Variants in PTPRG observed in about 807,000 individuals in gnomAD.
PTPRG encodes the protein protein tyrosine phosphatase receptor type G, also known as receptor-type tyrosine-protein phosphatase gamma.
In PTPRG, 102 loss-of-function variants were observed where a neutral mutation model predicts 165.3. The ratio of observed to expected loss-of-function variants is 0.62; its 90% CI spans 0.53 to 0.73. The LOEUF (loss-of-function observed/expected upper bound fraction) is 0.73. Among genes scored for constraint, PTPRG ranks in the 30% least tolerant of loss-of-function variants. The pLI is 0.00. For missense variants in PTPRG, 1,866 were observed against 1,861.4 expected (o/e 1.00, Z -0.05); for synonymous variants, 675 against 669.5 (o/e 1.01, Z -0.13).
chr3:62,072,023 A>G (rs1701224916), intron 4 of PTPRG, among the ~76,000 whole-genome samples: 1 of 152,256 alleles, frequency 6.6e-6, no homozygotes, highest in Non-Finnish European at 1.5e-5. Flanking sequence ...ACAGTGACAC[A>G]TGTAGGAAAC....
chr3:61,905,730 A>C (rs115447061), intron 2 of PTPRG, among the ~76,000 whole-genome samples: 9 of 152,216 alleles, frequency 5.9e-5, no homozygotes, highest in Non-Finnish European at 1.0e-4. Context: ...CACTCTTTCT[A>C]TGGTGGGATA....
intron 1 of PTPRG, among the ~76,000 whole-genome samples, chr3:61,744,098 C>G (rs1575626663): frequency 6.6e-6 from 1 of 152,150 alleles, no homozygotes; most frequent in East Asian, 1.9e-4. Context: ...TGTATCTTTA[C>G]TTGGGAACCA....
intron 12 of PTPRG, among the ~76,000 whole-genome samples, chr3:62,205,826 A>T (rs1360744547): frequency 6.6e-6 from 1 of 152,172 alleles, no homozygotes; most frequent in Non-Finnish European, 1.5e-5. Flanking sequence ...ATGAGAAACC[A>T]GGGTAGATCT....
At chr3:61,702,063 C>G (rs1366167784) in intron 1 of PTPRG, among the ~76,000 whole-genome samples, 5 of 152,168 alleles carry the variant, frequency 3.3e-5, no homozygotes, top group Non-Finnish European at 5.9e-5. Context: ...ACTGCAACCT[C>G]AGCCTTCTGG....
intron 13 of PTPRG, among the ~76,000 whole-genome samples, chr3:62,226,680 A>T (rs1025914378): frequency 3.5e-4 from 53 of 152,102 alleles, no homozygotes; most frequent in African/African-American, 1.2e-3. Flanking sequence ...AAAACTGGAA[A>T]CTCCCTAAGT....
intron 1 of PTPRG, among the ~76,000 whole-genome samples, chr3:61,647,574 A>G (rs1702236599): frequency 6.6e-6 from 1 of 152,026 alleles, no homozygotes; most frequent in South Asian, 2.1e-4. Flanking sequence ...GCGGATCACG[A>G]AGTCAGGAGA....
At chr3:61,960,232 G>C (rs1285563351) in intron 2 of PTPRG, among the ~76,000 whole-genome samples, 1 of 151,856 alleles carries the variant, frequency 6.6e-6, no homozygotes, top group Non-Finnish European at 1.5e-5. Flanking sequence ...TTGGATCTCG[G>C]TGCTTGGTAT....
chr3:61,971,569 G>A (rs1339334660), intron 2 of PTPRG, among the ~76,000 whole-genome samples: 1 of 152,148 alleles, frequency 6.6e-6, no homozygotes, highest in African/African-American at 2.4e-5. Flanking sequence ...GAAATTAGAG[G>A]TTGATGAGTA....
At chr3:61,979,446 A>G (rs1025783852) in intron 2 of PTPRG, among the ~76,000 whole-genome samples, 6 of 152,208 alleles carry the variant, frequency 3.9e-5, no homozygotes, top group African/African-American at 9.6e-5. Context: ...TCATTTTCTC[A>G]TGGGCCTTGC....
chr3:61,838,954 A>G (rs1471291182), intron 2 of PTPRG, among the ~76,000 whole-genome samples: 1 of 152,354 alleles, frequency 6.6e-6, no homozygotes, highest in Middle Eastern at 3.4e-3. Flanking sequence ...AGTGAACAAT[A>G]GTGTGAAGTT....
In PTPRG at chr3:62,282,817, G is replaced by A. The variant is rs1174651225; in HGVS notation, c.4003G>A (p.Val1335Ile). The A allele has an allele frequency of 3.0e-5, 48 of 1,611,702 alleles. No individual in the cohort carries two copies. In the Admixed American group the frequency reaches 3.0e-4, roughly 10 times the overall value. Reference sequence around the variant, plus strand: ...AAGTAGTACCTTTGAACTTATCAACGTCATCAAGGAAGAGGCCTTAACAAG... The same window carrying A: ...AAGTAGTACCTTTGAACTTATCAACATCATCAAGGAAGAGGCCTTAACAAG... Reference protein sequence around the residue: ...PISSTFELINVIKEEALTRDG... With the variant: ...PISSTFELINIIKEEALTRDG... Residue 1335 changes from valine (V) to isoleucine (I), a missense_variant, in exon 28 of 30, where the codon GTC (valine) becomes ATC (isoleucine). Val to Ile is a conservative substitution (Grantham distance 29). Around this residue, in one of 3 missense-constraint regions of PTPRG, gnomAD observed 1,452 missense variants for 1,463.0 expected, o/e 0.99. Coordinates refer to ENST00000474889, the MANE Select transcript of PTPRG (RefSeq NM_002841.4).
intron 1 of PTPRG, among the ~76,000 whole-genome samples, chr3:61,677,197 A>T (rs549160958): frequency 4.2e-4 from 62 of 148,766 alleles, no homozygotes; most frequent in African/African-American, 1.5e-3. Flanking sequence ...GTGAGCCCAG[A>T]TCGCACCACT....
chr3:61,788,618 T>C (rs2034781085), intron 2 of PTPRG, among the ~76,000 whole-genome samples: 1 of 152,238 alleles, frequency 6.6e-6, no homozygotes, highest in Non-Finnish European at 1.5e-5. Context: ...TTGTTTCTTT[T>C]TCAATGCAAG....
intron 2 of PTPRG, among the ~76,000 whole-genome samples, chr3:61,876,779 C>G (rs865923405): frequency 6.6e-6 from 1 of 152,100 alleles, no homozygotes; most frequent in African/African-American, 2.4e-5. Flanking sequence ...ATTAATATAA[C>G]TAGCTTCCTC....
At chr3:61,955,420 T>C (rs1454331249) in intron 2 of PTPRG, among the ~76,000 whole-genome samples, 1 of 152,212 alleles carries the variant, frequency 6.6e-6, no homozygotes, top group Non-Finnish European at 1.5e-5. Context: ...TAAAATAATA[T>C]TTGTAACCTG....
At chr3:61,869,426 A>G (rs1242253117) in intron 2 of PTPRG, among the ~76,000 whole-genome samples, 1 of 152,176 alleles carries the variant, frequency 6.6e-6, no homozygotes, top group Non-Finnish European at 1.5e-5. Context: ...ATGACCCAGA[A>G]TGAATATTGC....
chr3:61,601,205 G>A (rs1312043348), intron 1 of PTPRG, among the ~76,000 whole-genome samples: 2 of 152,218 alleles, frequency 1.3e-5, no homozygotes, highest in African/African-American at 4.8e-5. Context: ...GCAGTGAGCT[G>A]AGATTGCACC....
At chr3:61,921,980 T>G (rs1270390330) in intron 2 of PTPRG, among the ~76,000 whole-genome samples, 2 of 152,204 alleles carry the variant, frequency 1.3e-5, no homozygotes. Context: ...AGATCTGTCT[T>G]TAATGTATCA....
chr3:61,733,796 T>G (rs1323279536), intron 1 of PTPRG, among the ~76,000 whole-genome samples: 2 of 152,190 alleles, frequency 1.3e-5, no homozygotes, highest in East Asian at 3.8e-4. Context: ...TCTTCACTTT[T>G]GTTTTGTTTT....
Sources: allele counts gnomAD v4.1 joint callset (sites outside exome capture counted in the v4.1 genomes callset), GRCh38; gene constraint gnomAD v4.1.1; regional missense constraint gnomAD v4.1.1; transcripts MANE v1.5; gene names NCBI Gene and HGNC (gene_info 2026-07-23, HGNC 2026-07-21).